Variants in DLG2 observed in about 807,000 individuals in gnomAD.
The protein encoded by DLG2 is disks large homolog 2.
DLG2 carries 45 observed loss-of-function variants against 132.5 expected under a neutral mutation model. The ratio of observed to expected loss-of-function variants is 0.34; its 90% CI spans 0.27 to 0.44. DLG2 has a LOEUF of 0.44. Ranked by LOEUF, DLG2 falls within the 20% of genes least tolerant of loss-of-function variation. DLG2 has a pLI of 1.00. For synonymous variants in DLG2, 424 were observed against 419.6 expected (o/e 1.01, Z -0.13); for missense variants, 1,045 against 1,196.9 (o/e 0.87, Z 1.87).
chr11:84,359,165 C>T (rs2098635362), intron 7 of DLG2, among the ~76,000 whole-genome samples: 1 of 151,856 alleles, frequency 6.6e-6, no homozygotes. Context: ...AGCCTTTAAA[C>T]ATATTCTTTT....
intron 4 of DLG2, among the ~76,000 whole-genome samples, chr11:85,237,413 T>C (rs1212827323): frequency 6.6e-6 from 1 of 152,096 alleles, no homozygotes; most frequent in Non-Finnish European, 1.5e-5. Flanking sequence ...AATTTTCTTA[T>C]ATTCATATAG....
chr11:85,210,742 G>T (rs572414213), intron 4 of DLG2, among the ~76,000 whole-genome samples: 7 of 152,160 alleles, frequency 4.6e-5, no homozygotes, highest in African/African-American at 1.7e-4. Flanking sequence ...TATTCCTAAT[G>T]ACTCGGGACT....
intron 7 of DLG2, among the ~76,000 whole-genome samples, chr11:84,375,779 A>G (rs984377571): frequency 1.8e-4 from 27 of 152,028 alleles, no homozygotes; most frequent in Non-Finnish European, 5.9e-5. Context: ...TGTCATTTAT[A>G]CATTTGCTTT....
intron 6 of DLG2, among the ~76,000 whole-genome samples, chr11:84,863,998 A>C (rs528272282): frequency 2.6e-5 from 4 of 152,306 alleles, no homozygotes; most frequent in African/African-American, 9.6e-5. Flanking sequence ...TAAACTGTGA[A>C]GTTTCAGGTA....
chr11:84,869,233 G>A (rs2085094221), intron 6 of DLG2, among the ~76,000 whole-genome samples: 1 of 152,290 alleles, frequency 6.6e-6, no homozygotes, highest in East Asian at 1.9e-4. Flanking sequence ...GCTGGAAATA[G>A]TCATTACGTG....
chr11:85,567,543 C>T (rs1474994126), intron 3 of DLG2, among the ~76,000 whole-genome samples: 1 of 151,968 alleles, frequency 6.6e-6, no homozygotes, highest in Non-Finnish European at 1.5e-5. Flanking sequence ...TTTGTAGATT[C>T]TTTAGAGTTT....
chr11:84,817,098 C>T (rs970488530), intron 6 of DLG2, among the ~76,000 whole-genome samples: 2 of 151,950 alleles, frequency 1.3e-5, no homozygotes, highest in East Asian at 1.9e-4. Context: ...ACATGAGTTT[C>T]GCTTAATGAA....
chr11:83,775,234 T>C (rs2094537178), intron 18 of DLG2, among the ~76,000 whole-genome samples: 1 of 152,214 alleles, frequency 6.6e-6, no homozygotes, highest in Non-Finnish European at 1.5e-5. Flanking sequence ...CTTTTTCTTT[T>C]GGTTTCTCCA....
chr11:85,080,257 T>G (rs996020494), intron 6 of DLG2, among the ~76,000 whole-genome samples: 3 of 152,048 alleles, frequency 2.0e-5, no homozygotes, highest in Non-Finnish European at 4.4e-5. Flanking sequence ...GGTTTTAAAT[T>G]GGGAGGATAT....
rs73522972 is a variant in DLG2, at chr11:83,874,234, A to T, written c.1565+186T>A. 3.8e-3 allele frequency among the ~76,000 whole-genome samples: 573 copies of T among 150,738 alleles called. 5 individuals carry two copies. The highest frequency in any genetic ancestry group is 0.012 in the African/African-American group (514 of 41,182). ...GACAGAAAAAAAGAAAGAAAGAAAG[A>T]CAAAGAAAGAAGGGAAGGAAGGAAG... is the stretch of plus-strand genomic sequence containing the variant. On this transcript the variant is annotated intron_variant, in intron 16 of 27. Coordinates refer to ENST00000376104, the MANE Select transcript of DLG2 (RefSeq NM_001142699.3).
In DLG2 at chr11:84,466,371, G is replaced by T. The variant is rs766153977; in HGVS notation, c.519+68199C>A. Reference sequence around the variant, plus strand: ...CTAAAGATGAATAACAAACTAAAATGTATTTGCAGCTTATATCACAAACAC... The same window carrying T: ...CTAAAGATGAATAACAAACTAAAATTTATTTGCAGCTTATATCACAAACAC... On this transcript the variant is annotated intron_variant, in intron 7 of 27. Coordinates refer to ENST00000376104, the MANE Select transcript of DLG2 (RefSeq NM_001142699.3). 4.4e-4 allele frequency among the ~76,000 whole-genome samples: 67 copies of T among 151,028 alleles called. 2 individuals carry two copies. Among genetic ancestry groups the T allele is most frequent in the Admixed American group, 5.3e-4 (8 of 15,104 alleles).
intron 3 of DLG2, among the ~76,000 whole-genome samples, chr11:85,534,438 T>C (rs1452486498): frequency 6.6e-6 from 1 of 152,104 alleles, no homozygotes; most frequent in African/African-American, 2.4e-5. Flanking sequence ...AATAATCCCA[T>C]TACCCATACA....
intron 19 of DLG2, among the ~76,000 whole-genome samples, chr11:83,620,272 GTTTT>G (rs199659205): frequency 0.19 from 28,542 of 151,764 alleles, 2,794 homozygotes; most frequent in Non-Finnish European, 0.19. Flanking sequence ...AAAAAAATCT[GTTTT>G]TTTAAACACA....
chr11:83,815,433 G>A (rs2048588112), intron 17 of DLG2, among the ~76,000 whole-genome samples: 2 of 152,140 alleles, frequency 1.3e-5, no homozygotes, highest in Non-Finnish European at 2.9e-5. Flanking sequence ...AATTCATTCT[G>A]GATAGTTACC....
intron 6 of DLG2, among the ~76,000 whole-genome samples, chr11:85,044,599 G>C (rs892734798): frequency 1.3e-5 from 2 of 151,974 alleles, no homozygotes; most frequent in African/African-American, 4.8e-5. Context: ...TTAATGAGTA[G>C]TTACTTTGGA....
intron 15 of DLG2, among the ~76,000 whole-genome samples, chr11:83,902,300 A>T (rs1168403691): frequency 2.0e-5 from 3 of 152,192 alleles, no homozygotes; most frequent in Non-Finnish European, 4.4e-5. Flanking sequence ...CCCACCACAG[A>T]TTACTAGCCT....
chr11:85,111,484 C>T (rs1245394403), intron 6 of DLG2, among the ~76,000 whole-genome samples, 177 bp downstream of exon 6: 1 of 152,074 alleles, frequency 6.6e-6, no homozygotes, highest in Non-Finnish European at 1.5e-5. Flanking sequence ...CATGGAATCC[C>T]TAATCACTGA....
intron 7 of DLG2, among the ~76,000 whole-genome samples, chr11:84,354,855 T>C (rs1567381176): frequency 6.6e-6 from 1 of 152,174 alleles, no homozygotes; most frequent in Admixed American, 6.5e-5. Context: ...TAAGGGAGTA[T>C]TGAAGACCTG....
At chr11:85,445,918 T>C (rs2091988866) in intron 3 of DLG2, among the ~76,000 whole-genome samples, 2 of 152,324 alleles carry the variant, frequency 1.3e-5, no homozygotes, top group South Asian at 4.1e-4. Context: ...CTATATATTA[T>C]GTACACTGCC....
Sources: gnomAD v4.1 joint callset for allele counts (sites outside exome capture counted in the v4.1 genomes callset) on GRCh38, gnomAD v4.1.1 for gene constraint, MANE v1.5 for transcripts, NCBI Gene and HGNC (gene_info 2026-07-23, HGNC 2026-07-21) for gene names.